RBM33: variants seen among roughly 807,000 people sequenced by gnomAD.
RBM33 encodes the protein RNA-binding protein 33.
A neutral mutation model predicts 132.6 loss-of-function variants in RBM33; 28 were observed. That is an observed-to-expected ratio of 0.21 (90% CI 0.16 to 0.29). RBM33 has a LOEUF of 0.29. Among genes scored for constraint, RBM33 ranks in the 10% least tolerant of loss-of-function variants. The pLI is 1.00. For missense variants in RBM33, 1,291 were observed against 1,518.5 expected, an observed-to-expected ratio of 0.85 and a Z score of 2.49; for synonymous variants, 634 against 593.0, an observed-to-expected ratio of 1.07 and a Z score of -1.01.
intron 8 of RBM33, among the ~76,000 whole-genome samples, 155 bp downstream of exon 8, chr7:155,711,610 T>C (rs2116977969): frequency 6.6e-6 from 1 of 152,276 alleles, no homozygotes; most frequent in East Asian, 1.9e-4. Context: ...AGATTTGATC[T>C]CTCCTGGGGT....
chr7:155,763,952 G>T lies in RBM33; in HGVS notation c.3120G>T (p.Gly1040=), dbSNP rs1563181696. The change falls in exon 15 of 18, where the codon GGG becomes GGT. Residue 1040 remains glycine (G), a synonymous_variant. Coordinates refer to ENST00000401878, the MANE Select transcript of RBM33 (RefSeq NM_053043.3). ...GLQQPPHLPA[G]PHAHSPVPPG... ...AGCAGCCCCCACATCTGCCAGCGGG[G>T]CCCCACGCACACTCGCCTGTCCCTC... 1.3e-6 allele frequency: 2 copies of T among 1,598,836 alleles called. No homozygotes were observed. Among genetic ancestry groups the T allele is most frequent in the Admixed American group, 1.7e-5 (1 of 57,796 alleles).
chr7:155,718,961 T>G (rs1172547454), intron 9 of RBM33, among the ~76,000 whole-genome samples: 1 of 152,142 alleles, frequency 6.6e-6, no homozygotes, highest in Admixed American at 6.5e-5. Context: ...TCTCTCTCTC[T>G]CTCTCTCACA....
In RBM33 at chr7:155,749,594, GATA is replaced by G. The variant is rs199583766; in HGVS notation, c.2979+3995_2979+3997del. On this transcript the variant is annotated intron_variant, in intron 14 of 17. Coordinates refer to ENST00000401878, the MANE Select transcript of RBM33 (RefSeq NM_053043.3). The stretch of plus-strand genomic sequence containing the variant: ...GAAAATGCTTAATGGGGGCTCCTAG[GATA>G]ATGATGATGATGATGATGATGGTTA... 7.1e-3 allele frequency among the ~76,000 whole-genome samples: 1,077 copies of G among 152,314 alleles called. 17 individuals are homozygous for G. Among genetic ancestry groups the G allele is most frequent in the African/African-American group, 0.024 (1,005 of 41,562 alleles).
intron 5 of RBM33, among the ~76,000 whole-genome samples, chr7:155,696,408 ATTTC>A (rs768737758): frequency 3.6e-4 from 55 of 152,224 alleles, no homozygotes; most frequent in South Asian, 8.3e-4. Context: ...ATCTATATCC[ATTTC>A]TTTCTTTCTT....
chr7:155,712,761 T>G (rs886726373), intron 8 of RBM33, among the ~76,000 whole-genome samples: 3 of 152,160 alleles, frequency 2.0e-5, no homozygotes, highest in Non-Finnish European at 4.4e-5. Context: ...TGTGGAGTGA[T>G]CAAAGCAGAG....
At chr7:155,664,167 A>C (rs1027404128) in intron 1 of RBM33, among the ~76,000 whole-genome samples, 1 of 152,178 alleles carries the variant, frequency 6.6e-6, no homozygotes, top group African/African-American at 2.4e-5. Context: ...CAAAATAAGC[A>C]GTTAGTATGG....
intron 5 of RBM33, among the ~76,000 whole-genome samples, chr7:155,684,615 C>T (rs969561868): frequency 1.3e-5 from 2 of 152,168 alleles, no homozygotes; most frequent in Non-Finnish European, 2.9e-5. Context: ...TTTGAGAGCA[C>T]ATAAACCATG....
chr7:155,706,675 C>G (rs1162364153), intron 6 of RBM33, 185 bp from the exon 7 acceptor site: 2 of 565,536 alleles, frequency 3.5e-6, no homozygotes, highest in African/African-American at 3.7e-5. Context: ...TTTATCAGAT[C>G]TCACTAGTGG....
chr7:155,745,141 C>A lies in RBM33; in HGVS notation c.2518C>A (p.Pro840Thr). ...QQQQLYAPPP[P>T]AEQEEQALSP... Reference sequence around the variant, plus strand: ...GCAGCAGCTGTACGCTCCCCCACCCCCAGCAGAGCAGGAAGAGCAGGCACT... The same window carrying A: ...GCAGCAGCTGTACGCTCCCCCACCCACAGCAGAGCAGGAAGAGCAGGCACT... Residue 840 changes from proline (P) to threonine (T), a missense_variant, in exon 14 of 18, where the codon CCA becomes ACA. This residue lies in a region of RBM33 where 841 missense variants were observed against 912.0 expected (regional missense o/e 0.92). Coordinates refer to ENST00000401878, the MANE Select transcript of RBM33 (RefSeq NM_053043.3). This position sits in a 1 kb window ranked among gnomAD's most constrained non-coding sequence, Gnocchi z 4.1. 1 of 1,603,888 alleles carries A rather than the reference C, an allele frequency of 6.2e-7. No individual in the cohort carries two copies. Among genetic ancestry groups the A allele is most frequent in the Non-Finnish European group, 8.5e-7 (1 of 1,174,878 alleles).
At chr7:155,735,414 A>G (rs530481964) in intron 9 of RBM33, among the ~76,000 whole-genome samples, 2 of 152,240 alleles carry the variant, frequency 1.3e-5, no homozygotes, top group South Asian at 4.1e-4. Flanking sequence ...TTAAATATTC[A>G]AGAATATTGG....
intron 3 of RBM33, among the ~76,000 whole-genome samples, chr7:155,675,540 A>G (rs1799159373): frequency 6.6e-6 from 1 of 152,076 alleles, no homozygotes; most frequent in African/African-American, 2.4e-5. Flanking sequence ...TCTCAAGCAT[A>G]CACAAAAGAG....
intron 8 of RBM33, among the ~76,000 whole-genome samples, chr7:155,717,979 T>A (rs1800515228): frequency 6.6e-6 from 1 of 152,200 alleles, no homozygotes; most frequent in African/African-American, 2.4e-5. Flanking sequence ...TCTTTCATGA[T>A]TCATGAGGAT....
At chr7:155,724,298 G>A (rs1242468659) in intron 9 of RBM33, among the ~76,000 whole-genome samples, 1 of 152,204 alleles carries the variant, frequency 6.6e-6, no homozygotes, top group African/African-American at 2.4e-5. Flanking sequence ...GGAGGCTGAG[G>A]TGGGTGGCTC....
Position 155,673,559 on chromosome 7 carries a change from TACACACATATAC to T in RBM33, c.171+646_171+657del, listed in dbSNP as rs1563137471. On this transcript the variant is annotated intron_variant, in intron 3 of 17. Coordinates refer to ENST00000401878, the MANE Select transcript of RBM33 (RefSeq NM_053043.3). ...ATATACATACACACGTGTATATATATACACACATATACATACACACGTGTATATATATATACA... is the reference window on the plus strand; with the variant it reads ...ATATACATACACACGTGTATATATATATACACACGTGTATATATATATACA... Among the ~76,000 whole-genome samples the T allele has an allele frequency of 1.6e-4, 14 of 85,422 alleles. 1 individual carries two copies. The highest frequency in any genetic ancestry group is 3.0e-4 in the Non-Finnish European group (13 of 43,022). The allele number at this position is 85,422 out of a possible 152,430, so 56.0% of individuals were successfully genotyped here.
chr7:155,664,304 A>G (rs1384869238), intron 1 of RBM33, among the ~76,000 whole-genome samples: 1 of 151,672 alleles, frequency 6.6e-6, no homozygotes, highest in African/African-American at 2.4e-5. Flanking sequence ...ACTCAGGCTG[A>G]GTGCAGTGGC....
At chr7:155,703,721 T>G (rs899807458) in intron 6 of RBM33, among the ~76,000 whole-genome samples, 2 of 152,098 alleles carry the variant, frequency 1.3e-5, no homozygotes, top group Non-Finnish European at 2.9e-5. Context: ...TGAGGAAATA[T>G]ATATTGAAAA....
chr7:155,706,979 G>C lies in RBM33; in HGVS notation c.859G>C (p.Gly287Arg). 1 of 1,596,428 alleles carries C rather than the reference G, an allele frequency of 6.3e-7. No individual in the cohort carries two copies. The highest frequency in any genetic ancestry group is 8.5e-7 in the Non-Finnish European group (1 of 1,171,548). The change falls in exon 7 of 18, where the codon GGT becomes CGT. Residue 287 changes from glycine to arginine, a missense_variant. By Grantham distance (125) the Gly-to-Arg change is moderately radical (BLOSUM62 -2). Transcript: ENST00000401878. ...GCGAGGAGGTCCGCTGATGTGTCGT[G>C]GTGTGGGGGACCAGAGGAGAGAGAG... ...GRRGGPLMCR[G>R]VGDQRRESTE...
At chr7:155,718,272 A>T (rs968737909) in intron 8 of RBM33, 113 bp from the exon 9 acceptor site, 13 of 774,716 alleles carry the variant, frequency 1.7e-5, no homozygotes, top group Admixed American at 5.9e-5. Context: ...AGCACAATGT[A>T]TTATATGTCT....
chr7:155,733,973 C>T (rs1331526918), intron 9 of RBM33, among the ~76,000 whole-genome samples: 1 of 152,216 alleles, frequency 6.6e-6, no homozygotes, highest in Non-Finnish European at 1.5e-5. Context: ...CTCCCAGGTT[C>T]CAGACTTGGC....
Sources: allele counts gnomAD v4.1 joint callset (sites outside exome capture counted in the v4.1 genomes callset), GRCh38; gene constraint gnomAD v4.1.1; regional missense constraint gnomAD v4.1.1; non-coding constraint Gnocchi (gnomAD v3.1); transcripts MANE v1.5; gene names NCBI Gene and HGNC (gene_info 2026-07-23, HGNC 2026-07-21).